Variants in SLC25A32 observed in about 807,000 individuals in gnomAD.
SLC25A32 encodes the protein Glycine auxotroph B, complementation of hamster.
SLC25A32 carries 32 observed loss-of-function variants against 39.0 expected under a neutral mutation model. The observed-to-expected ratio is 0.82, with a 90% CI of 0.62 to 1.10. The LOEUF is 1.10. Among genes scored for constraint, SLC25A32 ranks in the 50% least tolerant of loss-of-function variants. SLC25A32 has a pLI of 0.00. For missense variants in SLC25A32, 367 were observed against 395.3 expected (o/e 0.93, Z 0.61); for synonymous variants, 166 against 152.4 (o/e 1.09, Z -0.66).
At chr8:103,405,270 TAAAC>T (rs1816304805) in intron 2 of SLC25A32, among the ~76,000 whole-genome samples, 1 of 152,144 alleles carries the variant, frequency 6.6e-6, no homozygotes, top group South Asian at 2.1e-4. Flanking sequence ...GATAAAAAGA[TAAAC>T]AAGTGATGAA....
Position 103,400,303 on chromosome 8 carries a change from A to C in SLC25A32, c.*108T>G. The C allele has an allele frequency of 3.8e-6, 5 of 1,311,230 alleles. No homozygotes were observed. The highest frequency in any genetic ancestry group is 5.4e-6 in the Non-Finnish European group (5 of 932,006). 81.2% of individuals were successfully genotyped at this position (1,311,230 alleles called of 1,614,324 possible). A position where few individuals can be genotyped will look rare whatever the true frequency, so the allele number is the denominator to read the frequency against. On this transcript the variant is annotated 3_prime_UTR_variant, in exon 7 of 7. Coordinates refer to ENST00000297578, the MANE Select transcript of SLC25A32 (RefSeq NM_030780.5). The stretch of plus-strand genomic sequence containing the variant: ...TCTGGCTTCTAATGACTATAGAGCA[A>C]TTTCGAATATGAGCCATGTTTCTAT...
At position 103,407,793 on chromosome 8, in the gene SLC25A32, A is replaced by C. The variant is rs371857312; in HGVS notation, c.155-9T>G. Reference sequence around the variant, plus strand: ...TTCCAATCCATCACTCACTGCATCAAGGGATACACAAAGTCAGGTAAGAAC... The same window carrying C: ...TTCCAATCCATCACTCACTGCATCACGGGATACACAAAGTCAGGTAAGAAC... On this transcript the variant is annotated splice_polypyrimidine_tract_variant and intron_variant, in intron 1 of 6. Coordinates refer to ENST00000297578, the MANE Select transcript of SLC25A32 (RefSeq NM_030780.5). 6 of 1,611,430 alleles carry C rather than the reference A, an allele frequency of 3.7e-6. No homozygotes were observed. In the African/African-American group the frequency reaches 8.0e-5, roughly 22 times the overall value.
At chr8:103,407,167 G>T (rs1006200646) in intron 2 of SLC25A32, among the ~76,000 whole-genome samples, 1 of 152,232 alleles carries the variant, frequency 6.6e-6, no homozygotes, top group Admixed American at 6.5e-5. Context: ...ATAAAACACC[G>T]ATGGGGCCCT....
At chr8:103,409,055 G>A (rs754642595) in intron 1 of SLC25A32, among the ~76,000 whole-genome samples, 1 of 152,134 alleles carries the variant, frequency 6.6e-6, no homozygotes. Context: ...GTAACTCTAG[G>A]GCATGAGGGG....
chr8:103,408,632 A>G (rs1474846235), intron 1 of SLC25A32, among the ~76,000 whole-genome samples: 3 of 152,224 alleles, frequency 2.0e-5, no homozygotes, highest in Non-Finnish European at 4.4e-5. Context: ...AAATCCAAGT[A>G]GAAAGTAGAA....
intron 1 of SLC25A32, 183 bp downstream of exon 1, chr8:103,414,601 G>T: frequency 1.3e-6 from 1 of 754,458 alleles, no homozygotes; most frequent in Non-Finnish European, 2.1e-6. Flanking sequence ...CTTGAGGAGC[G>T]GGGAAGATCG....
rs776914758 is a variant in SLC25A32, at chr8:103,403,210, G to T, written c.506C>A (p.Thr169Lys). 6.2e-7 allele frequency: 1 copy of T among 1,611,512 alleles called. No individual in the cohort carries two copies. The highest frequency in any genetic ancestry group is 1.1e-5 in the South Asian group (1 of 90,920). Residue 169 changes from threonine to lysine, a missense_variant, in exon 4 of 7, where the codon ACA becomes AAA. Coordinates refer to ENST00000297578, the MANE Select transcript of SLC25A32 (RefSeq NM_030780.5). The part of the protein sequence containing the change: ...PHRQYKGMFD[T>K]LVKIYKYEGV... ...TTCATACTTATATATTTTCACAAGT[G>T]TATCAAACATTCCTTTATATTGTCG... is the stretch of plus-strand genomic sequence containing the variant.
rs942984462 is a variant in SLC25A32 at position 103,399,901 on chromosome 8, T to A, written c.*510A>T. On this transcript the variant is annotated 3_prime_UTR_variant, in exon 7 of 7. Transcript: ENST00000297578. ...GCCTGGGCGACAAAGCAAGACTCCA[T>A]CTCAAAAAATAAATAAATAAAAAAA... 1.3e-5 allele frequency: 2 copies of A among 153,632 alleles called. No individual in the cohort carries two copies. The highest frequency in any genetic ancestry group is 2.4e-5 in the African/African-American group (1 of 41,404). 9.5% of individuals were successfully genotyped at this position (153,632 alleles called of 1,614,324 possible). A position where few individuals can be genotyped will look rare whatever the true frequency, so the allele number is the denominator to read the frequency against.
At chr8:103,413,959 C>A (rs945781265) in intron 1 of SLC25A32, among the ~76,000 whole-genome samples, 2 of 152,182 alleles carry the variant, frequency 1.3e-5, no homozygotes, top group Non-Finnish European at 2.9e-5. Context: ...CAATTAAATT[C>A]TAAGTTCCCT....
chr8:103,414,683 C>CA, intron 1 of SLC25A32, 101 bp downstream of exon 1: 1 of 1,521,410 alleles, frequency 6.6e-7, no homozygotes, highest in Non-Finnish European at 8.9e-7. Flanking sequence ...CAGCAACGCT[C>CA]CCTTCAACGC....
Position 103,401,926 on chromosome 8 carries a change from C to CATTATGGT in SLC25A32, c.666+14_666+15insACCATAAT. ...ATAAAAGGAAATGATATCATTTTTA[C>CATTATGGT]AAGAATAATCTTACCAACTGGGCTT... On this transcript the variant is annotated intron_variant, in intron 5 of 6. Transcript: ENST00000297578. 6 of 1,583,584 alleles carry CATTATGGT rather than the reference C, an allele frequency of 3.8e-6. No individual in the cohort carries two copies. Among genetic ancestry groups the CATTATGGT allele is most frequent in the Non-Finnish European group, 5.2e-6 (6 of 1,162,852 alleles).
At chr8:103,405,530 G>A (rs1323658683) in intron 2 of SLC25A32, among the ~76,000 whole-genome samples, 1 of 152,302 alleles carries the variant, frequency 6.6e-6, no homozygotes, top group Non-Finnish European at 1.5e-5. Context: ...GTGGTAGATT[G>A]AGATTTGCAT....
Position 103,403,103 on chromosome 8 carries a change from C to T in SLC25A32, c.552+61G>A, listed in dbSNP as rs908439284. Reference sequence around the variant, plus strand: ...TACTATAGGTCATTCAGAACTAAGACAACAGAGCCAACGGAAATTCAAATT... The same window carrying T: ...TACTATAGGTCATTCAGAACTAAGATAACAGAGCCAACGGAAATTCAAATT... On this transcript the variant is annotated intron_variant, in intron 4 of 6. Coordinates refer to ENST00000297578, the MANE Select transcript of SLC25A32 (RefSeq NM_030780.5). 3.9e-6 allele frequency: 5 copies of T among 1,266,772 alleles called. No individual in the cohort carries two copies. In the African/African-American group the frequency reaches 7.4e-5, roughly 19 times the overall value. 78.5% of individuals were successfully genotyped at this position (1,266,772 alleles called of 1,614,324 possible).
Position 103,402,065 on chromosome 8 carries a change from A to T in SLC25A32, c.553-11T>A, listed in dbSNP as rs772716793. ...CCCAGGAACAAATCCCTACAAGGGA[A>T]TGATTTTTAAAAAGCAAAACAACAT... is the stretch of plus-strand genomic sequence containing the variant. On this transcript the variant is annotated splice_polypyrimidine_tract_variant and intron_variant, in intron 4 of 6. Coordinates refer to ENST00000297578, the MANE Select transcript of SLC25A32 (RefSeq NM_030780.5). The T allele has an allele frequency of 6.4e-7, 1 of 1,572,402 alleles. No homozygotes were observed. Among genetic ancestry groups the T allele is most frequent in the Non-Finnish European group, 8.6e-7 (1 of 1,156,216 alleles).
At chr8:103,404,551 C>T (rs368130931) in intron 3 of SLC25A32, among the ~76,000 whole-genome samples, 9 of 151,678 alleles carry the variant, frequency 5.9e-5, no homozygotes, top group East Asian at 1.9e-4. Context: ...GCCGAGATAG[C>T]GCCACCGCAC....
In SLC25A32 at chr8:103,399,178, CATTT is replaced by C. The variant is rs1172602695; in HGVS notation, c.*1229_*1232del. 4 of 152,148 alleles carry C rather than the reference CATTT, an allele frequency of 2.6e-5. No homozygotes were observed. Among genetic ancestry groups the C allele is most frequent in the African/African-American group, 9.7e-5 (4 of 41,444 alleles). The allele number at this position is 152,148 out of a possible 1,614,324, so 9.4% of individuals were successfully genotyped here. On this transcript the variant is annotated 3_prime_UTR_variant, in exon 7 of 7. Transcript: ENST00000297578. ...ATTTGAGAAACCAATGAAGATTAAT[CATTT>C]ATTTGGGATCTAGATCCATATATCT...
At chr8:103,400,611 T>C in intron 6 of SLC25A32, 65 bp from the exon 7 acceptor site, 1 of 1,542,120 alleles carries the variant, frequency 6.5e-7, no homozygotes, top group Non-Finnish European at 8.9e-7. Flanking sequence ...ACGGAAGTTC[T>C]AACTGACACA....
At chr8:103,402,186 T>A in intron 4 of SLC25A32, 132 bp from the exon 5 acceptor site, 2 of 586,482 alleles carry the variant, frequency 3.4e-6, no homozygotes, top group South Asian at 5.3e-5. Context: ...AAATCACATT[T>A]TTAAAATATG....
intron 1 of SLC25A32, among the ~76,000 whole-genome samples, chr8:103,411,301 G>T (rs1816458102): frequency 6.6e-6 from 1 of 151,860 alleles, no homozygotes. Flanking sequence ...CTTGATTTCA[G>T]TTCTTTCCCA....
Sources: gnomAD v4.1 joint callset for allele counts (sites outside exome capture counted in the v4.1 genomes callset) on GRCh38, gnomAD v4.1.1 for gene constraint, MANE v1.5 for transcripts, NCBI Gene and HGNC (gene_info 2026-07-23, HGNC 2026-07-21) for gene names.